NOTCH1: variants seen among roughly 807,000 people sequenced by gnomAD.
The protein encoded by NOTCH1 is notch receptor 1, also known as neurogenic locus notch homolog protein 1.
NOTCH1 carries 37 observed loss-of-function variants against 254.8 expected under a neutral mutation model. The ratio of observed to expected loss-of-function variants is 0.15; its 90% CI spans 0.11 to 0.19. NOTCH1 has a LOEUF of 0.19. Among genes scored for constraint, NOTCH1 ranks in the 10% least tolerant of loss-of-function variants. NOTCH1 has a pLI of 1.00. For missense variants in NOTCH1, 2,972 were observed against 3,708.6 expected (o/e 0.80, Z 5.16); for synonymous variants, 1,731 against 1,618.1 (o/e 1.07, Z -1.68).
intron 26 of NOTCH1, among the ~76,000 whole-genome samples, chr9:136,504,253 T>A (rs1157297576): frequency 6.6e-6 from 1 of 152,234 alleles, no homozygotes; most frequent in Non-Finnish European, 1.5e-5. Flanking sequence ...CCCAGACTGG[T>A]CTCGAACTCC....
intron 2 of NOTCH1, among the ~76,000 whole-genome samples, chr9:136,526,618 G>A (rs1286428606): frequency 6.6e-6 from 1 of 152,228 alleles, no homozygotes; most frequent in East Asian, 1.9e-4. Flanking sequence ...AGTGCCCTGA[G>A]GTCACAGGAC....
rs545533627 is a variant in NOTCH1, at chr9:136,514,294, C to T, written c.2207+216G>A. Among the ~76,000 whole-genome samples, 3 of 152,326 alleles carry T rather than the reference C, an allele frequency of 2.0e-5. No homozygotes were observed. The South Asian group carries it at 6.2e-4, about 32-fold the overall frequency. On this transcript the variant is annotated intron_variant, in intron 13 of 33. Coordinates refer to ENST00000651671, the MANE Select transcript of NOTCH1 (RefSeq NM_017617.5). ...CTGTGTCCTGAGCACACCATGCAGCCCACAAGGACACGCAGCACACAGCTG... is the reference window on the plus strand; with the variant it reads ...CTGTGTCCTGAGCACACCATGCAGCTCACAAGGACACGCAGCACACAGCTG...
chr9:136,531,910 G>C (rs1843568246), intron 2 of NOTCH1, among the ~76,000 whole-genome samples: 1 of 152,240 alleles, frequency 6.6e-6, no homozygotes, highest in South Asian at 2.1e-4. Flanking sequence ...GACCACACGA[G>C]GCACAGAGGG....
Position 136,509,848 on chromosome 9 carries a change from C to G in NOTCH1, c.2854G>C (p.Asp952His), listed in dbSNP as rs758240214. The change falls in exon 18 of 34, where the codon GAC (aspartate) becomes CAC (histidine). Residue 952 changes from aspartate to histidine, a missense_variant. Asp to His is a moderately conservative substitution (Grantham distance 81). Coordinates refer to ENST00000651671, the MANE Select transcript of NOTCH1 (RefSeq NM_017617.5). ...CEEDINECASDPCRNGANCTD... is the reference protein window; with the variant it reads ...CEEDINECASHPCRNGANCTD... ...CAGTTGGCCCCGTTGCGGCAGGGGT[C>G]ACTGGCACACTCGTTGATGTCCTCC... 2.5e-6 allele frequency: 4 copies of G among 1,613,080 alleles called. No individual in the cohort carries two copies. The Admixed American group carries it at 6.7e-5, about 27-fold the overall frequency.
intron 4 of NOTCH1, among the ~76,000 whole-genome samples, chr9:136,519,940 GGGGCCT>G (rs769868442): frequency 1.2e-4 from 19 of 152,218 alleles, no homozygotes; most frequent in Non-Finnish European, 2.6e-4. Flanking sequence ...GGCTGACACT[GGGGCCT>G]GGGCTCTGAG....
In NOTCH1 at chr9:136,514,638, G is replaced by A. The variant is rs753710836; in HGVS notation, c.2079C>T (p.Cys693=). The change falls in exon 13 of 34, where the codon TGC becomes TGT. Residue 693 remains cysteine (C), a synonymous_variant. Coordinates refer to ENST00000651671, the MANE Select transcript of NOTCH1 (RefSeq NM_017617.5). ...AGNPCHNGGT[C]EDGINGFTCR... is the part of the protein sequence containing the mutation. Reference sequence around the variant, plus strand: ...AGGTGAAGCCATTGATGCCGTCCTCGCAGGTGCCCCCGTTGTGGCAGGGGT... The same window carrying A: ...AGGTGAAGCCATTGATGCCGTCCTCACAGGTGCCCCCGTTGTGGCAGGGGT... The A allele has an allele frequency of 5.6e-6, 9 of 1,612,126 alleles. No homozygotes were observed. The highest frequency in any genetic ancestry group is 2.2e-5 in the East Asian group (1 of 44,874).
rs11574904 is a variant in NOTCH1 at position 136,504,593 on chromosome 9, G to A, written c.5018+80C>T. 1.7e-3 allele frequency: 2,391 copies of A among 1,380,452 alleles called. 26 individuals are homozygous for A. Among genetic ancestry groups the A allele is most frequent in the Non-Finnish European group, 1.4e-3 (1,407 of 1,042,126 alleles). 85.5% of individuals were successfully genotyped at this position (1,380,452 alleles called of 1,614,324 possible). A position where few individuals can be genotyped will look rare whatever the true frequency, so the allele number is the denominator to read the frequency against. On this transcript the variant is annotated intron_variant, in intron 26 of 33. Transcript: ENST00000651671. ...GGAGAGTACTGCTTGCCATGGCGCC[G>A]GCCGTGAGGGGCAGGGAGGCCGTCG... is the stretch of plus-strand genomic sequence containing the variant.
intron 2 of NOTCH1, among the ~76,000 whole-genome samples, chr9:136,539,792 C>T (rs936966854): frequency 3.9e-5 from 6 of 152,206 alleles, no homozygotes; most frequent in South Asian, 2.1e-4. Flanking sequence ...ACGCCCAAGA[C>T]GAGGCAGGTG....
chr9:136,543,919 C>T, intron 2 of NOTCH1, 105 bp downstream of exon 2: 1 of 1,103,612 alleles, frequency 9.1e-7, no homozygotes, highest in Non-Finnish European at 1.4e-6. Flanking sequence ...AGACTCTGGG[C>T]CATCTCCAGA....
chr9:136,499,436 C>T (rs1437128922), intron 31 of NOTCH1, among the ~76,000 whole-genome samples, 177 bp from the exon 32 acceptor site: 2 of 152,334 alleles, frequency 1.3e-5, no homozygotes, highest in African/African-American at 2.4e-5. Flanking sequence ...AGGAGGGGCC[C>T]GGATGGGGGC....
At chr9:136,528,568 ACAGTGCGGGGGCCT>A (rs2133386141) in intron 2 of NOTCH1, among the ~76,000 whole-genome samples, 1 of 146,314 alleles carries the variant, frequency 6.8e-6, no homozygotes, top group African/African-American at 2.5e-5. Flanking sequence ...ACGGGCAGGG[ACAGTGCGGGGGCCT>A]CTCCGGTGCA....
At chr9:136,500,953 A>G (rs1842986075) in intron 30 of NOTCH1, 106 bp from the exon 31 acceptor site, 1 of 1,286,820 alleles carries the variant, frequency 7.8e-7, no homozygotes, top group African/African-American at 1.5e-5. Flanking sequence ...GTGTGGATGC[A>G]CCACCCAGCA....
intron 2 of NOTCH1, among the ~76,000 whole-genome samples, chr9:136,528,396 G>GTT: frequency 7.8e-6 from 1 of 128,794 alleles, no homozygotes. Context: ...GGACAGTGGG[G>GTT]GGGGATGGGC....
Position 136,508,057 on chromosome 9 carries a change from G to C in NOTCH1, c.3408C>G (p.Gly1136=), listed in dbSNP as rs1171001832. ...GNTHHCRCQA[G]YTGSYCEDLV... is the part of the protein sequence containing the mutation. Reference sequence around the variant, plus strand: ...GGTCCTCACAGTAGCTGCCTGTGTAGCCCGCCTGGCAGCGGCAGTGGTGCG... The same window carrying C: ...GGTCCTCACAGTAGCTGCCTGTGTACCCCGCCTGGCAGCGGCAGTGGTGCG... The change falls in exon 21 of 34, where the codon GGC becomes GGG. Residue 1136 remains glycine (G), a synonymous_variant. Coordinates refer to ENST00000651671, the MANE Select transcript of NOTCH1 (RefSeq NM_017617.5). 9 of 1,611,444 alleles carry C rather than the reference G, an allele frequency of 5.6e-6. No homozygotes were observed. The highest frequency in any genetic ancestry group is 7.6e-6 in the Non-Finnish European group (9 of 1,180,014).
intron 27 of NOTCH1, chr9:136,502,725 C>T: frequency 1.7e-6 from 1 of 575,500 alleles, no homozygotes; most frequent in East Asian, 2.9e-5. Context: ...ACTTTTTTCT[C>T]CTTTAAGGAA....
intron 33 of NOTCH1, among the ~76,000 whole-genome samples, chr9:136,498,063 G>A (rs1842944482): frequency 6.6e-6 from 1 of 152,152 alleles, no homozygotes; most frequent in African/African-American, 2.4e-5. Flanking sequence ...TGTGGGAGTG[G>A]GAAGGGGCTT....
At chr9:136,498,839 C>A in intron 33 of NOTCH1, 60 bp downstream of exon 33, 1 of 1,590,712 alleles carries the variant, frequency 6.3e-7, no homozygotes, top group Non-Finnish European at 8.6e-7. Context: ...TGGGTTTGGC[C>A]CTCACTTCTC....
intron 16 of NOTCH1, 151 bp downstream of exon 16, chr9:136,511,001 A>G: frequency 7.1e-7 from 1 of 1,401,494 alleles, no homozygotes; most frequent in Non-Finnish European, 9.8e-7. Context: ...TCCCAGGTCA[A>G]TTCCTGATTC....
rs2133329220 is a variant in NOTCH1 at position 136,501,889 on chromosome 9, C to G, written c.5497G>C (p.Asp1833His). 3.1e-6 allele frequency: 5 copies of G among 1,612,142 alleles called. No homozygotes were observed. Among genetic ancestry groups the G allele is most frequent in the Non-Finnish European group, 4.2e-6 (5 of 1,179,960 alleles). ...FRFEEPVVLPDLDDQTDHRQW... is the reference protein window; with the variant it reads ...FRFEEPVVLPHLDDQTDHRQW... ...CGGTGGTCTGTCTGGTCGTCCAGGT[C>G]AGGCAGAACCACGGGCTCCTCGAAC... The change falls in exon 30 of 34, where the codon GAC becomes CAC. Residue 1833 changes from aspartate to histidine, a missense_variant. Around this residue, in one of 8 missense-constraint regions of NOTCH1, gnomAD observed 421 missense variants for 604.4 expected, o/e 0.70. Transcript: ENST00000651671.
Sources: allele counts gnomAD v4.1 joint callset (sites outside exome capture counted in the v4.1 genomes callset), GRCh38; gene constraint gnomAD v4.1.1; regional missense constraint gnomAD v4.1.1; transcripts MANE v1.5; gene names NCBI Gene and HGNC (gene_info 2026-07-23, HGNC 2026-07-21).